The following OTOP1 variants were observed in gnomAD, a reference collection of about 807,000 sequenced individuals.
OTOP1 encodes proton channel OTOP1.
OTOP1 carries 59 observed loss-of-function variants against 52.9 expected under a neutral mutation model. The observed-to-expected ratio is 1.12, with a 90% confidence interval of 0.91 to 1.39. The LOEUF is 1.39. Ranked by LOEUF, OTOP1 falls within the 40% of genes most tolerant of loss-of-function variation. The probability of loss-of-function intolerance (pLI) is 0.00; values close to 1 mark genes in which losing one functional copy is unlikely to be tolerated. For synonymous variants in OTOP1, 317 were observed against 337.7 expected (o/e 0.94, Z 0.67); for missense variants, 761 against 800.9 (o/e 0.95, Z 0.60).
intron 2 of OTOP1, among the ~76,000 whole-genome samples, chr4:4,210,044 C>G (rs758885336): frequency 1.1e-4 from 17 of 152,188 alleles, no homozygotes; most frequent in Non-Finnish European, 2.4e-4. Context: ...CTCTGGGACA[C>G]TCTGGTCAAA....
intron 1 of OTOP1, among the ~76,000 whole-genome samples, chr4:4,225,248 C>G (rs1235980392): frequency 6.6e-6 from 1 of 152,184 alleles, no homozygotes; most frequent in Non-Finnish European, 1.5e-5. Context: ...CTCCCTTTCA[C>G]CTGCACCATG....
At chr4:4,224,111 G>C (rs1349540255) in intron 1 of OTOP1, among the ~76,000 whole-genome samples, 2 of 152,182 alleles carry the variant, frequency 1.3e-5, no homozygotes, top group East Asian at 1.9e-4. Flanking sequence ...CACTTTGGGA[G>C]GCTGAGGCAG....
chr4:4,202,396 T>C lies in OTOP1; in HGVS notation c.730+52A>G, dbSNP rs2920183. 4.7e-4 allele frequency: 753 copies of C among 1,608,262 alleles called. 3 individuals are homozygous for C. In the African/African-American group the frequency reaches 8.8e-3, roughly 19 times the overall value. On this transcript the variant is annotated intron_variant, in intron 4 of 5. Coordinates refer to ENST00000296358, the MANE Select transcript of OTOP1 (RefSeq NM_177998.3). ...CTGAACTCTGTGGACTCTGCAGGTT[T>C]CCAAGACATTCCAACATGGCAGAAG...
rs78710671 is a variant in OTOP1 at position 4,207,888 on chromosome 4, G to A, written c.541-1758C>T. Among the ~76,000 whole-genome samples, 587 of 152,280 alleles carry A rather than the reference G, an allele frequency of 3.9e-3. 4 individuals carry two copies. The highest frequency in any genetic ancestry group is 0.013 in the African/African-American group (556 of 41,546). On this transcript the variant is annotated intron_variant, in intron 2 of 5. Coordinates refer to ENST00000296358, the MANE Select transcript of OTOP1 (RefSeq NM_177998.3). ...GGCTTCAATATTTTAAAGAGAAAGG[G>A]CAAATACTGGGAAACAAGGAAGAAA...
chr4:4,211,583 C>T (rs1822321), intron 2 of OTOP1, among the ~76,000 whole-genome samples: 4,800 of 152,204 alleles, frequency 0.032, 240 homozygotes, highest in African/African-American at 0.11. Context: ...TTTAGAAAAA[C>T]GTTTCTAATC....
intron 1 of OTOP1, among the ~76,000 whole-genome samples, chr4:4,219,565 G>T (rs1200191360): frequency 6.6e-6 from 1 of 151,920 alleles, no homozygotes; most frequent in Non-Finnish European, 1.5e-5. Flanking sequence ...AGCCGGGCGT[G>T]GTGGCGGGTG....
At chr4:4,199,745 G>A (rs1363000316) in intron 4 of OTOP1, among the ~76,000 whole-genome samples, 3 of 152,094 alleles carry the variant, frequency 2.0e-5, no homozygotes, top group South Asian at 4.1e-4. Flanking sequence ...AAGTAATCTC[G>A]TTTCAAGGAA....
chr4:4,208,601 C>T (rs544358996), intron 2 of OTOP1, among the ~76,000 whole-genome samples: 1 of 152,034 alleles, frequency 6.6e-6, no homozygotes, highest in Non-Finnish European at 1.5e-5. Context: ...GAAAGTAGAA[C>T]AGAGTTTGCC....
At chr4:4,208,647 G>C (rs1277406915) in intron 2 of OTOP1, among the ~76,000 whole-genome samples, 1 of 152,124 alleles carries the variant, frequency 6.6e-6, no homozygotes, top group Non-Finnish European at 1.5e-5. Context: ...GAGTTGTTTA[G>C]TGGGCTCAGA....
chr4:4,217,034 A>G (rs1366802692), intron 1 of OTOP1, among the ~76,000 whole-genome samples: 2 of 152,192 alleles, frequency 1.3e-5, no homozygotes, highest in Non-Finnish European at 2.9e-5. Flanking sequence ...CTGTTGATCT[A>G]GGCCCCACCT....
intron 1 of OTOP1, among the ~76,000 whole-genome samples, chr4:4,218,301 A>G (rs558175594): frequency 6.6e-6 from 1 of 151,714 alleles, no homozygotes; most frequent in South Asian, 2.1e-4. Context: ...CTGAGGCAGG[A>G]GAATGGTGTG....
At chr4:4,190,853 C>T (rs923724812) in intron 5 of OTOP1, among the ~76,000 whole-genome samples, 1 of 152,098 alleles carries the variant, frequency 6.6e-6, no homozygotes, top group Non-Finnish European at 1.5e-5. Flanking sequence ...TTTGCTGTGC[C>T]TCTTAATGTT....
intron 4 of OTOP1, among the ~76,000 whole-genome samples, chr4:4,198,717 CT>C (rs1456489684): frequency 6.6e-6 from 1 of 152,136 alleles, no homozygotes; most frequent in Admixed American, 6.5e-5. Flanking sequence ...CGGGTACCAC[CT>C]TCTGGAAGAG....
At chr4:4,199,656 G>A (rs62286876) in intron 4 of OTOP1, among the ~76,000 whole-genome samples, 23,355 of 152,158 alleles carry the variant, frequency 0.15, 2,344 homozygotes, top group Non-Finnish European at 0.23. Flanking sequence ...CATGAGATCC[G>A]CCTGCCTCCG....
At chr4:4,196,928 C>G (rs1347795916) in intron 5 of OTOP1, among the ~76,000 whole-genome samples, 2 of 152,050 alleles carry the variant, frequency 1.3e-5, no homozygotes, top group Non-Finnish European at 2.9e-5. Context: ...CTCATGAACA[C>G]AAATATATGA....
intron 5 of OTOP1, among the ~76,000 whole-genome samples, chr4:4,189,799 G>A (rs898647778): frequency 1.1e-4 from 17 of 152,208 alleles, no homozygotes; most frequent in African/African-American, 3.6e-4. Context: ...AAGGAACTCA[G>A]ACCCTCAGTC....
intron 1 of OTOP1, among the ~76,000 whole-genome samples, chr4:4,216,190 A>T (rs1483071275): frequency 1.3e-5 from 2 of 152,246 alleles, no homozygotes; most frequent in Admixed American, 6.5e-5. Context: ...GAAAGGAAGC[A>T]ATCTTTGATA....
rs567282928 is a variant in OTOP1, at chr4:4,226,278, C to CCAAG, written c.403+180_403+183dup. Among the ~76,000 whole-genome samples, 234 of 135,740 alleles carry CCAAG rather than the reference C, an allele frequency of 1.7e-3. 3 individuals are homozygous for CCAAG. The highest frequency in any genetic ancestry group is 5.1e-3 in the African/African-American group (162 of 32,066). The allele number at this position is 135,740 out of a possible 152,430, so 89.1% of individuals were successfully genotyped here. A position where few individuals can be genotyped will look rare whatever the true frequency, so the allele number is the denominator to read the frequency against. On this transcript the variant is annotated intron_variant, in intron 1 of 5. Transcript: ENST00000296358. ...GCGGAGAGGAGGCTCCTGCGGCGAC[C>CCAAG]CAAGCTTCAGAGAGAGAGAGAGGAA...
intron 5 of OTOP1, among the ~76,000 whole-genome samples, chr4:4,193,201 A>G (rs2108795201): frequency 6.6e-6 from 1 of 152,092 alleles, no homozygotes; most frequent in East Asian, 1.9e-4. Flanking sequence ...CCCAGGTCAT[A>G]TCCAGTGAGC....
Sources: gnomAD v4.1 joint callset for allele counts (sites outside exome capture counted in the v4.1 genomes callset) on GRCh38, gnomAD v4.1.1 for gene constraint, MANE v1.5 for transcripts, NCBI Gene and HGNC (gene_info 2026-07-23, HGNC 2026-07-21) for gene names.